Variants in PWWP3A observed in about 807,000 individuals in gnomAD.
PWWP3A encodes the protein PWWP domain containing 3A, DNA repair factor.
Under a neutral mutation model 79.0 loss-of-function variants are expected in PWWP3A, and 53 were observed. The ratio of observed to expected loss-of-function variants is 0.67; its 90% CI spans 0.54 to 0.84. The LOEUF (loss-of-function observed/expected upper bound fraction) is 0.84, where lower values mean the gene tolerates loss of function less well. Among genes scored for constraint, PWWP3A ranks in the 40% least tolerant of loss-of-function variants. PWWP3A has a pLI of 0.00. For synonymous variants in PWWP3A, 443 were observed against 394.4 expected (o/e 1.12, Z -1.46); for missense variants, 973 against 948.0 (o/e 1.03, Z -0.35).
At position 1,368,234 on chromosome 19, in the gene PWWP3A, A is replaced by C. The variant is rs957188043; in HGVS notation, c.1422+1014A>C. Among the ~76,000 whole-genome samples the C allele has an allele frequency of 3.3e-5, 5 of 152,112 alleles. No homozygotes were observed. The highest frequency in any genetic ancestry group is 1.2e-4 in the African/African-American group (5 of 41,428). ...CACTGCGCCCGGCTGGAACTGAGTT[A>C]CTTTCTAAAAATGGATGAAGGTGTG... On this transcript the variant is annotated intron_variant, in intron 9 of 13. Coordinates refer to ENST00000591337, the MANE Select transcript of PWWP3A (RefSeq NM_001369789.1). The surrounding 1 kb of genome is among the most constrained non-coding windows in gnomAD (Gnocchi z 4.7).
chr19:1,375,538 T>TATATAAAATA (rs1355785315), intron 13 of PWWP3A, among the ~76,000 whole-genome samples: 2 of 6,426 alleles, frequency 3.1e-4, no homozygotes, highest in East Asian at 0.015. Flanking sequence ...TTTATATATT[T>TATATAAAATA]TATATATAAA....
At chr19:1,363,892 C>T (rs145657312) in intron 6 of PWWP3A, among the ~76,000 whole-genome samples, 1 of 152,182 alleles carries the variant, frequency 6.6e-6, no homozygotes, top group Non-Finnish European at 1.5e-5. Flanking sequence ...ACAGTGCGGT[C>T]AGACACAGGC....
rs201899837 is a variant in PWWP3A at position 1,376,477 on chromosome 19, A to G, written c.2076-42A>G. On this transcript the variant is annotated intron_variant, in intron 13 of 13. Coordinates refer to ENST00000591337, the MANE Select transcript of PWWP3A (RefSeq NM_001369789.1). ...TCCTCTCTCTCATATTCTTTAACAC[A>G]CAATGATTAATTACTAAAATGAAGA... is the stretch of plus-strand genomic sequence containing the variant. The G allele has an allele frequency of 1.7e-5, 28 of 1,600,386 alleles. No homozygotes were observed. The African/African-American group carries it at 3.4e-4, about 19-fold the overall frequency.
At chr19:1,371,377 C>G in intron 12 of PWWP3A, 1 of 703,242 alleles carries the variant, frequency 1.4e-6, no homozygotes, top group East Asian at 2.7e-5. Context: ...ACAGATGCTT[C>G]CCAGCCTCGG....
intron 1 of PWWP3A, 101 bp from the exon 2 acceptor site, chr19:1,356,223 A>G: frequency 1.5e-6 from 1 of 680,168 alleles, no homozygotes; most frequent in South Asian, 1.6e-5. Context: ...TAAACCATCT[A>G]CTTGAGGCTA....
At chr19:1,356,808 C>T (rs2081882127) in intron 2 of PWWP3A, among the ~76,000 whole-genome samples, 2 of 152,136 alleles carry the variant, frequency 1.3e-5, no homozygotes, top group African/African-American at 2.4e-5. Flanking sequence ...AATGCAAAAG[C>T]CCAGGTCCTT....
chr19:1,375,785 C>T (rs115980944), intron 13 of PWWP3A, among the ~76,000 whole-genome samples: 1,962 of 111,496 alleles, frequency 0.018, 53 homozygotes, highest in African/African-American at 0.059. Flanking sequence ...TGTAGACATA[C>T]ACACACACAC....
At chr19:1,355,940 G>A (rs1225468880) in intron 1 of PWWP3A, among the ~76,000 whole-genome samples, 1 of 152,104 alleles carries the variant, frequency 6.6e-6, no homozygotes, top group East Asian at 1.9e-4. Flanking sequence ...TTGTGTGTGT[G>A]CTGTGGTCAA....
intron 3 of PWWP3A, chr19:1,358,070 A>G (rs891541092): frequency 6.5e-6 from 2 of 308,116 alleles, no homozygotes; most frequent in African/African-American, 4.4e-5. Context: ...ATTACCATCT[A>G]CTCTGAAAAT....
rs565709758 is a variant in PWWP3A at position 1,371,088 on chromosome 19, G to A, written c.1986+10G>A. 42 of 1,553,736 alleles carry A rather than the reference G, an allele frequency of 2.7e-5. No individual in the cohort carries two copies. Among genetic ancestry groups the A allele is most frequent in the Middle Eastern group, 3.3e-4 (2 of 5,988 alleles). ...CGTGCTTCTGCCCGAGGTGAGCCGC[G>A]GACCGGCGTGTCACGTGGGCAGGGA... On this transcript the variant is annotated intron_variant, in intron 12 of 13. Coordinates refer to ENST00000591337, the MANE Select transcript of PWWP3A (RefSeq NM_001369789.1).
At chr19:1,365,201 AT>A (rs1260660315) in intron 7 of PWWP3A, among the ~76,000 whole-genome samples, 1 of 152,224 alleles carries the variant, frequency 6.6e-6, no homozygotes, top group Non-Finnish European at 1.5e-5. Context: ...GAGCTCATTA[AT>A]TTGGATTTTG....
chr19:1,360,559 T>C lies in PWWP3A; in HGVS notation c.638T>C (p.Leu213Pro). ...AGAATCCACCACAAAAATTGGACTC[T>C]TGCAAGTAAGAGGGGAGGAAACTCA... ...GSRIHHKNWT[L>P]ASKRGGNSAQ... The change falls in exon 5 of 14, where the codon CTT (leucine) becomes CCT (proline). Residue 213 changes from leucine to proline, a missense_variant. Coordinates refer to ENST00000591337, the MANE Select transcript of PWWP3A (RefSeq NM_001369789.1). This position sits in a 1 kb window ranked among gnomAD's most constrained non-coding sequence, Gnocchi z 4.4. 4.3e-6 allele frequency: 7 copies of C among 1,614,194 alleles called. No homozygotes were observed. Among genetic ancestry groups the C allele is most frequent in the African/African-American group, 1.3e-5 (1 of 75,044 alleles).
At chr19:1,373,200 C>A in intron 13 of PWWP3A, 40 bp downstream of exon 13, 2 of 1,574,452 alleles carry the variant, frequency 1.3e-6, no homozygotes, top group South Asian at 1.1e-5. Flanking sequence ...ACTTGCGTCT[C>A]TGCCTTGCAG....
rs955986576 is a variant in PWWP3A at position 1,376,817 on chromosome 19, C to CCCGGTAT, written c.*241_*242insCCGGTAT. On this transcript the variant is annotated 3_prime_UTR_variant, in exon 14 of 14. Coordinates refer to ENST00000591337, the MANE Select transcript of PWWP3A (RefSeq NM_001369789.1). ...ATTTTTGGCATTTTTTACAAGATAC[C>CCCGGTAT]GTTCGGGAAAGGCTTTTGAAAGGAC... is the stretch of plus-strand genomic sequence containing the variant. The CCCGGTAT allele has an allele frequency of 4.5e-6, 2 of 443,864 alleles. No homozygotes were observed. Among genetic ancestry groups the CCCGGTAT allele is most frequent in the African/African-American group, 4.1e-5 (2 of 49,264 alleles). The allele number at this position is 443,864 out of a possible 1,614,324, so 27.5% of individuals were successfully genotyped here.
intron 5 of PWWP3A, 167 bp from the exon 6 acceptor site, chr19:1,362,083 G>T: frequency 1.3e-4 from 52 of 394,486 alleles, no homozygotes; most frequent in East Asian, 3.3e-4. Flanking sequence ...TCTTTAAAAT[G>T]TAGTTTATTA....
In PWWP3A at chr19:1,360,827, GC is replaced by G; in HGVS notation, c.908del (p.Pro303ArgfsTer35). The G allele has an allele frequency of 6.4e-7, 1 of 1,569,184 alleles. No homozygotes were observed. Among genetic ancestry groups the G allele is most frequent in the Non-Finnish European group, 8.6e-7 (1 of 1,158,628 alleles). ...CTGGAGAATGCCCTGCGAAAAAGAG[GC>G]CGCGCCTGGATGGCAGCCAAAGGCC... ...EPGECPAKKRPRLDGSQRPPA... is the reference protein window; with the variant it reads ...EPGECPAKKRXRLDGSQRPPA... On this transcript the variant is annotated frameshift_variant, in exon 5 of 14. Transcript: ENST00000591337. LOFTEE classifies it high-confidence loss of function. This position sits in a 1 kb window ranked among gnomAD's most constrained non-coding sequence, Gnocchi z 4.4.
At position 1,378,257 on chromosome 19, in the gene PWWP3A, C is replaced by A. The variant is rs1364879958; in HGVS notation, c.*1681C>A. 1 of 152,218 alleles carries A rather than the reference C, an allele frequency of 6.6e-6. No individual in the cohort carries two copies. Among genetic ancestry groups the A allele is most frequent in the African/African-American group, 2.4e-5 (1 of 41,480 alleles). 9.4% of individuals were successfully genotyped at this position (152,218 alleles called of 1,614,324 possible). ...GCCTCGTACTGCCTCATGGAAAATCCTCCGGAGCCGCCCTCCATTGTGGGT... is the reference window on the plus strand; with the variant it reads ...GCCTCGTACTGCCTCATGGAAAATCATCCGGAGCCGCCCTCCATTGTGGGT... On this transcript the variant is annotated 3_prime_UTR_variant, in exon 14 of 14. Coordinates refer to ENST00000591337, the MANE Select transcript of PWWP3A (RefSeq NM_001369789.1).
chr19:1,358,807 A>G (rs76865506), intron 4 of PWWP3A: 145 of 642,622 alleles, frequency 2.3e-4, no homozygotes, highest in East Asian at 1.6e-3. Flanking sequence ...TCCTCTTCCT[A>G]TAGTAAGATT....
chr19:1,375,638 T>A (rs894496652), intron 13 of PWWP3A, among the ~76,000 whole-genome samples: 1 of 6,568 alleles, frequency 1.5e-4, no homozygotes, highest in Non-Finnish European at 2.8e-4. Context: ...TTATATATTA[T>A]ATAATATATA....
Sources: gnomAD v4.1 joint callset for allele counts (sites outside exome capture counted in the v4.1 genomes callset) on GRCh38, gnomAD v4.1.1 for gene constraint, Gnocchi (gnomAD v3.1) non-coding constraint, MANE v1.5 for transcripts, NCBI Gene and HGNC (gene_info 2026-07-23, HGNC 2026-07-21) for gene names.